Variants in C12orf54 observed in about 807,000 individuals in gnomAD.
C12orf54 encodes chromosome 12 open reading frame 54, also known as uncharacterized protein C12orf54.
Under a neutral mutation model 26.4 loss-of-function variants are expected in C12orf54, and 24 were observed. That is an observed-to-expected ratio of 0.91 (90% CI 0.66 to 1.28). The LOEUF is 1.28. Among genes scored for constraint, C12orf54 ranks in the 50% most tolerant of loss-of-function variants. The probability of loss-of-function intolerance (pLI) is 0.00; values close to 1 mark genes in which losing one functional copy is unlikely to be tolerated. For synonymous variants in C12orf54, 54 were observed against 47.0 expected (o/e 1.15, Z -0.61); for missense variants, 154 against 150.9 (o/e 1.02, Z -0.11).
the C12orf54 span, among the ~76,000 whole-genome samples, chr12:48,471,429 A>G: frequency 0.88 from 134,411 of 152,192 alleles, 59,408 homozygotes; most frequent in East Asian, 0.97. Context: ...TCTATATACT[A>G]ATTTCCTTTC....
upstream of C12orf54, among the ~76,000 whole-genome samples, chr12:48,479,348 G>A (rs138201548): frequency 4.7e-4 from 72 of 152,092 alleles, no homozygotes; most frequent in South Asian, 3.9e-3. Flanking sequence ...AACATCACAC[G>A]TTGGGGACTG....
At chr12:48,438,298 G>A in the C12orf54 span, among the ~76,000 whole-genome samples, 1 of 152,166 alleles carries the variant, frequency 6.6e-6, no homozygotes, top group African/African-American at 2.4e-5. Context: ...TTGGTAGGAA[G>A]AATCAATATC....
chr12:48,488,991 C>A, intron 5 of C12orf54, 35 bp downstream of exon 5: 1 of 1,601,336 alleles, frequency 6.2e-7, no homozygotes, highest in Non-Finnish European at 8.6e-7. Context: ...AATTCCCCAG[C>A]CCCATCATGT....
chr12:48,437,110 G>C, the C12orf54 span, among the ~76,000 whole-genome samples: 1 of 152,252 alleles, frequency 6.6e-6, no homozygotes, highest in Middle Eastern at 3.4e-3. Context: ...CCATAAGAGA[G>C]TGCTATAAAC....
At chr12:48,491,966 A>G (rs1243954849) in intron 6 of C12orf54, among the ~76,000 whole-genome samples, 1 of 152,138 alleles carries the variant, frequency 6.6e-6, no homozygotes, top group African/African-American at 2.4e-5. Context: ...TTGGCTCTTG[A>G]ATCCCACTGA....
the C12orf54 span, among the ~76,000 whole-genome samples, chr12:48,453,593 G>GTGTGTATATATACGTATATATATA: frequency 5.2e-5 from 3 of 57,682 alleles, 1 homozygote; most frequent in Non-Finnish European, 1.5e-4. Context: ...ATATATATGT[G>GTGTGTATATATACGTATATATATA]TATATTCATG....
intron 6 of C12orf54, among the ~76,000 whole-genome samples, chr12:48,491,498 CTT>C (rs1014366698): frequency 1.2e-4 from 18 of 152,300 alleles, no homozygotes; most frequent in Non-Finnish European, 1.9e-4. Context: ...ATGGAAGACT[CTT>C]TTTCTCCCTT....
chr12:48,495,217 T>C (rs1440432639), intron 8 of C12orf54, among the ~76,000 whole-genome samples: 3 of 152,088 alleles, frequency 2.0e-5, no homozygotes, highest in Non-Finnish European at 4.4e-5. Context: ...TGGACAGTTT[T>C]ATACAAGGAT....
chr12:48,450,300 C>A, the C12orf54 span, among the ~76,000 whole-genome samples: 1 of 152,054 alleles, frequency 6.6e-6, no homozygotes, highest in Non-Finnish European at 1.5e-5. Context: ...ACAAAAGATA[C>A]AACATACCAG....
the C12orf54 span, among the ~76,000 whole-genome samples, chr12:48,450,622 A>G: frequency 6.6e-6 from 1 of 152,160 alleles, no homozygotes; most frequent in African/African-American, 2.4e-5. Context: ...TCAAATAAAC[A>G]CAATCAGAAA....
At chr12:48,413,603 C>A in the C12orf54 span, among the ~76,000 whole-genome samples, 4 of 152,314 alleles carry the variant, frequency 2.6e-5, no homozygotes, top group Admixed American at 2.0e-4. Context: ...TGTTCTTTTC[C>A]TCCTTCTTCC....
chr12:48,482,022 T>G (rs1005960682), upstream of C12orf54, among the ~76,000 whole-genome samples: 3 of 152,222 alleles, frequency 2.0e-5, no homozygotes, highest in African/African-American at 7.2e-5. Context: ...ACTTCCTGCC[T>G]CCGTATTAAA....
the C12orf54 span, among the ~76,000 whole-genome samples, chr12:48,475,424 G>C: frequency 4.6e-5 from 7 of 152,170 alleles, no homozygotes; most frequent in South Asian, 2.1e-4. Context: ...AGAGAAGAAG[G>C]CTTCAGAAGA....
the C12orf54 span, among the ~76,000 whole-genome samples, chr12:48,420,428 A>G: frequency 6.6e-6 from 1 of 152,218 alleles, no homozygotes; most frequent in Non-Finnish European, 1.5e-5. Context: ...TTACTTTAGA[A>G]AACTTGAAGT....
At chr12:48,465,230 A>G in the C12orf54 span, among the ~76,000 whole-genome samples, 2 of 152,292 alleles carry the variant, frequency 1.3e-5, no homozygotes, top group Admixed American at 1.3e-4. Context: ...AAAACAAACA[A>G]TCCCATTAAA....
At chr12:48,414,986 T>A in the C12orf54 span, among the ~76,000 whole-genome samples, 3 of 152,226 alleles carry the variant, frequency 2.0e-5, no homozygotes, top group Admixed American at 2.0e-4. Flanking sequence ...AAAGATCACA[T>A]GGATCACTTT....
the C12orf54 span, among the ~76,000 whole-genome samples, chr12:48,439,268 G>A: frequency 1.3e-5 from 2 of 152,184 alleles, no homozygotes; most frequent in African/African-American, 2.4e-5. Flanking sequence ...GAGAGGATGT[G>A]GAGAAACAGG....
chr12:48,473,273 G>C, the C12orf54 span: 1 of 1,068,340 alleles, frequency 9.4e-7, no homozygotes. Context: ...AGGAGGACGT[G>C]AGTGGAGACG....
At chr12:48,490,866 A>C in intron 6 of C12orf54, 30 bp downstream of exon 6, 2 of 1,609,134 alleles carry the variant, frequency 1.2e-6, no homozygotes, top group Non-Finnish European at 1.7e-6. Context: ...AGGTTTGGAA[A>C]AGGAAACAAG....
Sources: gnomAD v4.1 joint callset for allele counts (sites outside exome capture counted in the v4.1 genomes callset) on GRCh38, gnomAD v4.1.1 for gene constraint, MANE v1.5 for transcripts, NCBI Gene and HGNC (gene_info 2026-07-23, HGNC 2026-07-21) for gene names.